Variants in IL7 observed in about 807,000 individuals in gnomAD.
IL7 encodes interleukin-7.
Under a neutral mutation model 21.6 loss-of-function variants are expected in IL7, and 3 were observed. The observed-to-expected ratio is 0.14, with a 90% CI of 0.06 to 0.36. IL7 has a LOEUF of 0.36. IL7 is among the 10% of genes least tolerant of loss of function. The pLI is 1.00. For synonymous variants in IL7, 62 were observed against 68.1 expected (o/e 0.91, Z 0.44); for missense variants, 175 against 200.2 (o/e 0.87, Z 0.76).
intron 3 of IL7, among the ~76,000 whole-genome samples, chr8:78,738,954 C>A (rs1386895833): frequency 3.3e-5 from 5 of 152,058 alleles, no homozygotes; most frequent in Non-Finnish European, 5.9e-5. Flanking sequence ...AACATGATAA[C>A]CGAAGGAGAA....
chr8:78,762,216 C>A, intron 2 of IL7: 3 of 1,578,282 alleles, frequency 1.9e-6, no homozygotes, highest in Non-Finnish European at 2.6e-6. Flanking sequence ...CTATAAGGAC[C>A]AGTTCTACAG....
At chr8:78,684,797 A>G (rs889094474) in intron 4 of IL7, among the ~76,000 whole-genome samples, 5 of 152,218 alleles carry the variant, frequency 3.3e-5, no homozygotes, top group Admixed American at 3.3e-4. Flanking sequence ...AATAAGCTTT[A>G]TAATAAAGAT....
chr8:78,687,878 T>A (rs1810070413), intron 3 of IL7, among the ~76,000 whole-genome samples: 1 of 130,850 alleles, frequency 7.6e-6, no homozygotes, highest in Non-Finnish European at 1.6e-5. Context: ...ATAATAAATA[T>A]ATATTTATAT....
intron 3 of IL7, among the ~76,000 whole-genome samples, chr8:78,702,662 T>G (rs1810642873): frequency 6.6e-6 from 1 of 152,202 alleles, no homozygotes; most frequent in Non-Finnish European, 1.5e-5. Flanking sequence ...ATGTTGTTTC[T>G]TTGTACTCTA....
At chr8:78,751,386 T>C (rs574371263) in intron 2 of IL7, among the ~76,000 whole-genome samples, 8 of 152,342 alleles carry the variant, frequency 5.3e-5, no homozygotes, top group African/African-American at 1.9e-4. Flanking sequence ...GTTTAAATTA[T>C]GTACTCTGTG....
chr8:78,682,696 T>G (rs1048038587), intron 4 of IL7, among the ~76,000 whole-genome samples: 4 of 152,128 alleles, frequency 2.6e-5, no homozygotes, highest in Admixed American at 2.0e-4. Context: ...TGCCCTCACA[T>G]TTCAAAACCA....
At position 78,784,272 on chromosome 8, in the gene IL7, G is replaced by A. The variant is rs142741602; in HGVS notation, c.147+13800C>T. On this transcript the variant is annotated intron_variant, in intron 2 of 5. Coordinates refer to ENST00000263851, the MANE Select transcript of IL7 (RefSeq NM_000880.4). Reference sequence around the variant, plus strand: ...ATTCTGCCACGTGAAGATATGAGAAGCTGGTAGTCCACAACCTGGAAGAGG... The same window carrying A: ...ATTCTGCCACGTGAAGATATGAGAAACTGGTAGTCCACAACCTGGAAGAGG... Among the ~76,000 whole-genome samples the A allele has an allele frequency of 8.9e-3, 1,362 of 152,232 alleles. 15 individuals carry two copies. The highest frequency in any genetic ancestry group is 0.031 in the African/African-American group (1,284 of 41,538).
intron 2 of IL7, among the ~76,000 whole-genome samples, chr8:78,788,550 A>G (rs1040816877): frequency 2.6e-5 from 4 of 151,808 alleles, no homozygotes; most frequent in African/African-American, 9.7e-5. Flanking sequence ...TTCTTATTTT[A>G]TTGATTTCTA....
At chr8:78,780,951 T>C (rs937513947) in intron 2 of IL7, among the ~76,000 whole-genome samples, 7 of 152,242 alleles carry the variant, frequency 4.6e-5, no homozygotes, top group African/African-American at 1.7e-4. Flanking sequence ...ATGTTAGCTC[T>C]TCTTGTTGAA....
chr8:78,686,660 A>G, intron 3 of IL7: 1 of 1,402,910 alleles, frequency 7.1e-7, no homozygotes, highest in Non-Finnish European at 9.3e-7. Context: ...AAATAATGAT[A>G]GAGTTTTTAT....
chr8:78,726,616 G>C (rs1811344550), intron 3 of IL7, among the ~76,000 whole-genome samples: 1 of 151,944 alleles, frequency 6.6e-6, no homozygotes, highest in Non-Finnish European at 1.5e-5. Context: ...AGTGGTCACA[G>C]GTATTGATCA....
At chr8:78,792,947 T>G (rs1283071235) in intron 2 of IL7, among the ~76,000 whole-genome samples, 2 of 152,058 alleles carry the variant, frequency 1.3e-5, no homozygotes, top group African/African-American at 2.4e-5. Flanking sequence ...GTATAAAAAC[T>G]TGCATAGCCA....
intron 2 of IL7, chr8:78,761,845 A>G: frequency 6.2e-7 from 1 of 1,611,940 alleles, no homozygotes; most frequent in East Asian, 2.2e-5. Flanking sequence ...GAGTAAAGAG[A>G]CCTTCTGGGA....
chr8:78,803,986 T>C (rs900217637), intron 1 of IL7, among the ~76,000 whole-genome samples: 35 of 152,236 alleles, frequency 2.3e-4, no homozygotes, highest in African/African-American at 6.7e-4. Context: ...CCCAGCTGTC[T>C]TCTTGCTTGA....
chr8:78,703,741 C>A (rs1810681377), intron 3 of IL7, among the ~76,000 whole-genome samples: 1 of 152,026 alleles, frequency 6.6e-6, no homozygotes, highest in South Asian at 2.1e-4. Flanking sequence ...AAATACTTGC[C>A]ACTCTGTGTC....
At chr8:78,728,497 TA>T (rs1811371398), downstream of IL7, among the ~76,000 whole-genome samples, 1 of 152,022 alleles carries the variant, frequency 6.6e-6, no homozygotes, top group South Asian at 2.1e-4. Context: ...AAATTTACAA[TA>T]GTGCAAAGGT....
intron 4 of IL7, among the ~76,000 whole-genome samples, chr8:78,676,555 T>C (rs896665263): frequency 6.6e-6 from 1 of 152,002 alleles, no homozygotes; most frequent in African/African-American, 2.4e-5. Flanking sequence ...AATACTTTAA[T>C]GTAAGACAGA....
At chr8:78,791,440 G>C (rs1417174342) in intron 2 of IL7, among the ~76,000 whole-genome samples, 1 of 152,126 alleles carries the variant, frequency 6.6e-6, no homozygotes, top group Non-Finnish European at 1.5e-5. Flanking sequence ...AGGAGTTTGA[G>C]AACAGCCTGG....
At chr8:78,775,493 A>G (rs1813102742) in intron 2 of IL7, among the ~76,000 whole-genome samples, 3 of 152,146 alleles carry the variant, frequency 2.0e-5, no homozygotes, top group Admixed American at 2.0e-4. Flanking sequence ...TGCATTTCTG[A>G]CATTGAATAG....
Sources: gnomAD v4.1 joint callset for allele counts (sites outside exome capture counted in the v4.1 genomes callset) on GRCh38, gnomAD v4.1.1 for gene constraint, MANE v1.5 for transcripts, NCBI Gene and HGNC (gene_info 2026-07-23, HGNC 2026-07-21) for gene names.